ELAVL1: variants seen among roughly 807,000 people sequenced by gnomAD.
ELAVL1 encodes ELAV-like protein 1.
A neutral mutation model predicts 28.4 loss-of-function variants in ELAVL1; 1 was observed. The ratio of observed to expected loss-of-function variants is 0.04; its 90% confidence interval spans 0.01 to 0.17. The LOEUF (loss-of-function observed/expected upper bound fraction) is 0.17, where lower values mean the gene tolerates loss of function less well. Ranked by LOEUF, ELAVL1 falls within the 10% of genes least tolerant of loss-of-function variation. ELAVL1 has a pLI of 1.00. For synonymous variants in ELAVL1, 174 were observed against 183.5 expected, an observed-to-expected ratio of 0.95 and a Z score of 0.42; for missense variants, 157 against 447.2, an observed-to-expected ratio of 0.35 and a Z score of 5.85.
At chr19:7,989,318 C>A (rs1056570695) in intron 2 of ELAVL1, among the ~76,000 whole-genome samples, 1 of 152,194 alleles carries the variant, frequency 6.6e-6, no homozygotes, top group Admixed American at 6.5e-5. Context: ...AAGATGAAAG[C>A]CCAGGCCCAG....
At chr19:7,971,937 AG>A (rs1599666900) in intron 4 of ELAVL1, among the ~76,000 whole-genome samples, 1 of 152,214 alleles carries the variant, frequency 6.6e-6, no homozygotes, top group East Asian at 1.9e-4. Context: ...CAGGCCAGGA[AG>A]GCCCCACCTG....
chr19:7,990,457 C>T (rs1463468893), intron 2 of ELAVL1, among the ~76,000 whole-genome samples: 3 of 151,736 alleles, frequency 2.0e-5, no homozygotes, highest in African/African-American at 7.3e-5. Context: ...CCTCAACCCC[C>T]GAGACTCAAG....
At chr19:8,002,160 A>G (rs1164041097) in intron 1 of ELAVL1, 1 of 1,278,490 alleles carries the variant, frequency 7.8e-7, no homozygotes, top group South Asian at 1.2e-5. Flanking sequence ...TTCTTTGAAC[A>G]CACGATGTTC....
chr19:7,966,257 T>G (rs1984953789), intron 5 of ELAVL1, among the ~76,000 whole-genome samples: 1 of 152,110 alleles, frequency 6.6e-6, no homozygotes, highest in South Asian at 2.1e-4. Context: ...TCCTTGAGGT[T>G]TTGACAAAAA....
At chr19:7,975,261 G>A (rs1599668773) in intron 3 of ELAVL1, among the ~76,000 whole-genome samples, 1 of 152,318 alleles carries the variant, frequency 6.6e-6, no homozygotes, top group East Asian at 1.9e-4. Context: ...GGCAGTATTT[G>A]GGGGCCTGCC....
At chr19:7,987,421 G>A (rs1030771133) in intron 2 of ELAVL1, among the ~76,000 whole-genome samples, 1 of 152,164 alleles carries the variant, frequency 6.6e-6, no homozygotes, top group African/African-American at 2.4e-5. Flanking sequence ...CAGCGGGCAG[G>A]ACCACCGGGC....
In ELAVL1 at chr19:7,961,708, GCACAC is replaced by G. The variant is rs1984815099; in HGVS notation, c.*1770_*1774del. 6.6e-6 allele frequency: 1 copy of G among 152,130 alleles called. No homozygotes were observed. The highest frequency in any genetic ancestry group is 1.5e-5 in the Non-Finnish European group (1 of 68,048). The allele number at this position is 152,130 out of a possible 1,614,324, so 9.4% of individuals were successfully genotyped here. A position where few individuals can be genotyped will look rare whatever the true frequency, so the allele number is the denominator to read the frequency against. ...AACATCATCAATTTGCAAGGATCGC[GCACAC>G]AGCCCCTCAGTAAAAGATCAGGGAA... is the stretch of plus-strand genomic sequence containing the variant. On this transcript the variant is annotated 3_prime_UTR_variant, in exon 6 of 6. Coordinates refer to ENST00000407627, the MANE Select transcript of ELAVL1 (RefSeq NM_001419.3).
chr19:7,991,932 CTTTTT>C (rs398033838), intron 1 of ELAVL1, 101 bp from the exon 2 acceptor site: 3 of 647,478 alleles, frequency 4.6e-6, no homozygotes, highest in African/African-American at 2.1e-5. Flanking sequence ...TTCTTTCTTT[CTTTTT>C]TTTTTTTTTT....
chr19:7,969,648 C>G (rs935371940), intron 4 of ELAVL1, among the ~76,000 whole-genome samples: 2 of 152,144 alleles, frequency 1.3e-5, no homozygotes, highest in Non-Finnish European at 2.9e-5. Flanking sequence ...AAATGAAAAT[C>G]GAACTTTAGG....
intron 1 of ELAVL1, among the ~76,000 whole-genome samples, chr19:8,000,964 A>C (rs1215665784): frequency 1.3e-5 from 2 of 152,254 alleles, no homozygotes; most frequent in African/African-American, 4.8e-5. Context: ...AGTGCAAAGC[A>C]ACAGGGCATG....
At chr19:7,973,944 G>A in intron 3 of ELAVL1, 66 bp from the exon 4 acceptor site, 1 of 1,578,060 alleles carries the variant, frequency 6.3e-7, no homozygotes, top group Non-Finnish European at 8.7e-7. Flanking sequence ...GGAGGGTGTT[G>A]AATGCTGGGT....
intron 1 of ELAVL1, among the ~76,000 whole-genome samples, chr19:7,996,481 G>A (rs1229595040): frequency 1.4e-5 from 2 of 147,910 alleles, no homozygotes; most frequent in East Asian, 2.2e-4. Flanking sequence ...GAGCCACCAC[G>A]CCTGGCCCAG....
In ELAVL1 at chr19:8,002,174, G is replaced by C. The variant is rs549633169; in HGVS notation, c.-17+3321C>G. 9.7e-4 allele frequency: 1,218 copies of C among 1,254,386 alleles called. 4 individuals are homozygous for C. The highest frequency in any genetic ancestry group is 1.2e-3 in the Non-Finnish European group (1,156 of 957,076). 77.7% of individuals were successfully genotyped at this position (1,254,386 alleles called of 1,614,324 possible). A position where few individuals can be genotyped will look rare whatever the true frequency, so the allele number is the denominator to read the frequency against. On this transcript the variant is annotated intron_variant, in intron 1 of 5. Transcript: ENST00000407627. ...GTTCTTTGAACACACGATGTTCTCT[G>C]AACACTGCGATGTTCCCACCTCCGG... is the stretch of plus-strand genomic sequence containing the variant.
chr19:7,999,191 A>G (rs920051324), intron 1 of ELAVL1, among the ~76,000 whole-genome samples: 1 of 152,204 alleles, frequency 6.6e-6, no homozygotes, highest in Non-Finnish European at 1.5e-5. Flanking sequence ...TGGCCAACAT[A>G]GTGAAACCCT....
intron 2 of ELAVL1, among the ~76,000 whole-genome samples, chr19:7,984,412 A>G (rs1172005769): frequency 1.3e-5 from 2 of 152,196 alleles, no homozygotes; most frequent in African/African-American, 4.8e-5. Flanking sequence ...CAGACAGAAG[A>G]GCAGGTGCCA....
chr19:7,975,553 C>G (rs1484430928), intron 3 of ELAVL1, among the ~76,000 whole-genome samples: 3 of 152,252 alleles, frequency 2.0e-5, no homozygotes, highest in Non-Finnish European at 2.9e-5. Context: ...AACCCTCTTT[C>G]CTAAGCTCCC....
At chr19:7,983,114 G>A (rs1192347200) in intron 2 of ELAVL1, among the ~76,000 whole-genome samples, 1 of 152,208 alleles carries the variant, frequency 6.6e-6, no homozygotes, top group East Asian at 1.9e-4. Flanking sequence ...ATGACGTGCA[G>A]TTAGTTCTGC....
At chr19:7,969,011 C>T (rs1274231976) in intron 4 of ELAVL1, among the ~76,000 whole-genome samples, 1 of 152,166 alleles carries the variant, frequency 6.6e-6, no homozygotes, top group African/African-American at 2.4e-5. Flanking sequence ...AGGCGGGAGT[C>T]ACGGGTGTGT....
At position 7,987,241 on chromosome 19, in the gene ELAVL1, C is replaced by G. The variant is rs544706994; in HGVS notation, c.172+4403G>C. Among the ~76,000 whole-genome samples, 287 of 152,194 alleles carry G rather than the reference C, an allele frequency of 1.9e-3. 3 individuals are homozygous for G. Among genetic ancestry groups the G allele is most frequent in the African/African-American group, 6.6e-3 (274 of 41,512 alleles). ...CTTGGGCAGCGGTGTGGGCTTTAAC[C>G]CGACCAGAGATATACAGCAAGACAG... is the stretch of plus-strand genomic sequence containing the variant. On this transcript the variant is annotated intron_variant, in intron 2 of 5. Transcript: ENST00000407627.
Sources: allele counts gnomAD v4.1 joint callset (sites outside exome capture counted in the v4.1 genomes callset), GRCh38; gene constraint gnomAD v4.1.1; transcripts MANE v1.5; gene names NCBI Gene and HGNC (gene_info 2026-07-23, HGNC 2026-07-21).